DENND1A: variants seen among roughly 807,000 people sequenced by gnomAD.
The protein encoded by DENND1A is DENN domain-containing protein 1A.
In DENND1A, 51 loss-of-function variants were observed where a neutral mutation model predicts 113.7. The observed-to-expected ratio is 0.45, with a 90% CI of 0.36 to 0.57. The LOEUF (loss-of-function observed/expected upper bound fraction) is 0.57. Ranked by LOEUF, DENND1A falls within the 20% of genes least tolerant of loss-of-function variation. The pLI, the probability that DENND1A is intolerant of heterozygous loss-of-function variation, is 0.00. For missense variants in DENND1A, 1,258 were observed against 1,395.9 expected (o/e 0.90, Z 1.57); for synonymous variants, 565 against 570.8 (o/e 0.99, Z 0.14).
At chr9:123,622,703 T>G (rs2061018478) in intron 10 of DENND1A, among the ~76,000 whole-genome samples, 1 of 152,222 alleles carries the variant, frequency 6.6e-6, no homozygotes, top group Non-Finnish European at 1.5e-5. Flanking sequence ...TAAACCTCTC[T>G]GAGCTTCAAT....
chr9:123,641,105 T>C (rs1292830468), intron 9 of DENND1A, among the ~76,000 whole-genome samples: 1 of 152,206 alleles, frequency 6.6e-6, no homozygotes, highest in Non-Finnish European at 1.5e-5. Flanking sequence ...TTCACCAAAG[T>C]GACCACACTT....
In DENND1A at chr9:123,667,096, A is replaced by G. The variant is rs768361771; in HGVS notation, c.454-17T>C. 13 of 1,593,158 alleles carry G rather than the reference A, an allele frequency of 8.2e-6. No individual in the cohort carries two copies. In the Admixed American group the frequency reaches 2.0e-4, roughly 24 times the overall value. ...ATAAGAATGCTAGAAAAGAAAAGCAAAAGTGATTTATTTCTGCTAAAATGT... is the reference window on the plus strand; with the variant it reads ...ATAAGAATGCTAGAAAAGAAAAGCAGAAGTGATTTATTTCTGCTAAAATGT... On this transcript the variant is annotated splice_polypyrimidine_tract_variant and intron_variant, in intron 7 of 23. Transcript: ENST00000394215.
At chr9:123,845,411 T>G (rs1270660788) in intron 2 of DENND1A, among the ~76,000 whole-genome samples, 1 of 151,902 alleles carries the variant, frequency 6.6e-6, no homozygotes, top group Non-Finnish European at 1.5e-5. Context: ...ATGCCTTTAA[T>G]CCCAACACTT....
intron 5 of DENND1A, among the ~76,000 whole-genome samples, chr9:123,731,266 A>T (rs867207595): frequency 1.7e-4 from 26 of 152,308 alleles, no homozygotes; most frequent in Middle Eastern, 6.8e-3. Flanking sequence ...TTAAAAAAAA[A>T]TTTTTAATGA....
chr9:123,843,173 A>G (rs531652064), intron 2 of DENND1A: 86 of 551,602 alleles, frequency 1.6e-4, no homozygotes, highest in Admixed American at 1.4e-3. Flanking sequence ...GGTTGTGCAT[A>G]TGTTCTGGTT....
chr9:123,473,956 C>T (rs1192957296), intron 13 of DENND1A, among the ~76,000 whole-genome samples: 2 of 147,970 alleles, frequency 1.4e-5, no homozygotes, highest in East Asian at 4.0e-4. Context: ...GGGTTCCGCT[C>T]TGTAAAATGG....
chr9:123,493,826 C>T (rs987737938), intron 13 of DENND1A, among the ~76,000 whole-genome samples: 3 of 152,298 alleles, frequency 2.0e-5, no homozygotes, highest in South Asian at 2.1e-4. Context: ...AAGCACCAGG[C>T]GACCATTGCT....
At chr9:123,544,317 A>G (rs753742096) in intron 13 of DENND1A, among the ~76,000 whole-genome samples, 9 of 152,368 alleles carry the variant, frequency 5.9e-5, no homozygotes, top group Non-Finnish European at 1.3e-4. Context: ...TATCTATTAA[A>G]GGAATGTTTT....
At chr9:123,402,782 C>T (rs1480218894) in intron 21 of DENND1A, among the ~76,000 whole-genome samples, 1 of 152,270 alleles carries the variant, frequency 6.6e-6, no homozygotes, top group Non-Finnish European at 1.5e-5. Flanking sequence ...AGGTCCACTT[C>T]AGTCCACTGC....
intron 1 of DENND1A, among the ~76,000 whole-genome samples, chr9:123,891,672 T>C (rs1395834092): frequency 6.6e-6 from 1 of 152,202 alleles, no homozygotes; most frequent in Non-Finnish European, 1.5e-5. Context: ...TACCATCTTA[T>C]ACCGGCAGTA....
At chr9:123,627,597 G>A (rs755309293) in intron 10 of DENND1A, among the ~76,000 whole-genome samples, 4 of 152,058 alleles carry the variant, frequency 2.6e-5, no homozygotes, top group East Asian at 3.9e-4. Flanking sequence ...ATAATTAGCC[G>A]AGTGTGATGG....
chr9:123,856,853 G>C (rs1340045368), intron 2 of DENND1A, among the ~76,000 whole-genome samples: 2 of 152,040 alleles, frequency 1.3e-5, no homozygotes, highest in South Asian at 4.2e-4. Context: ...TCATGTACAA[G>C]GGATTAATAA....
chr9:123,758,442 A>G (rs927186317), intron 4 of DENND1A, among the ~76,000 whole-genome samples: 2 of 152,258 alleles, frequency 1.3e-5, no homozygotes, highest in African/African-American at 4.8e-5. Flanking sequence ...ACTAAGGACC[A>G]GAATACATCC....
rs1037976515 is a variant in DENND1A at position 123,665,432 on chromosome 9, C to CA, written c.507+1593dup. On this transcript the variant is annotated intron_variant, in intron 8 of 23. Coordinates refer to ENST00000394215, the MANE Select transcript of DENND1A (RefSeq NM_001352964.2). Reference sequence around the variant, plus strand: ...GTCTGAATTTTTTATTAGTTAATGTCAAAAAAAAGGATGCAACATTTTCTA... The same window carrying CA: ...GTCTGAATTTTTTATTAGTTAATGTCAAAAAAAAAGGATGCAACATTTTCTA... 5.7e-4 allele frequency among the ~76,000 whole-genome samples: 86 copies of CA among 151,376 alleles called. 1 individual carries two copies. Among genetic ancestry groups the CA allele is most frequent in the Non-Finnish European group, 2.4e-4 (16 of 67,758 alleles).
At chr9:123,790,589 A>G (rs921344392) in intron 3 of DENND1A, among the ~76,000 whole-genome samples, 1 of 152,182 alleles carries the variant, frequency 6.6e-6, no homozygotes, top group Non-Finnish European at 1.5e-5. Context: ...TAAAGCTATC[A>G]TTATTATTTA....
At chr9:123,451,183 G>A (rs1203811913) in intron 17 of DENND1A, among the ~76,000 whole-genome samples, 1 of 152,134 alleles carries the variant, frequency 6.6e-6, no homozygotes, top group Non-Finnish European at 1.5e-5. Context: ...CACATTGCTG[G>A]GTTTCTACAG....
chr9:123,805,710 A>G (rs1242097535), intron 2 of DENND1A, among the ~76,000 whole-genome samples: 1 of 152,070 alleles, frequency 6.6e-6, no homozygotes, highest in African/African-American at 2.4e-5. Flanking sequence ...CTGGGATTAC[A>G]GGTGGGAGCC....
intron 16 of DENND1A, 152 bp from the exon 17 acceptor site, chr9:123,452,499 A>T: frequency 1.5e-6 from 1 of 676,392 alleles, no homozygotes; most frequent in Non-Finnish European, 2.6e-6. Flanking sequence ...GGTCCCTGCC[A>T]GTCAGTTATG....
intron 2 of DENND1A, among the ~76,000 whole-genome samples, chr9:123,809,761 C>G (rs192331254): frequency 1.4e-4 from 21 of 152,276 alleles, no homozygotes; most frequent in East Asian, 3.9e-4. Flanking sequence ...ACCTCCACCC[C>G]CTGAGTTCCA....
Sources: allele counts gnomAD v4.1 joint callset (sites outside exome capture counted in the v4.1 genomes callset), GRCh38; gene constraint gnomAD v4.1.1; transcripts MANE v1.5; gene names NCBI Gene and HGNC (gene_info 2026-07-23, HGNC 2026-07-21).